GPC6: variants seen among roughly 807,000 people sequenced by gnomAD.
GPC6 encodes glypican 6.
GPC6 carries 14 observed loss-of-function variants against 55.2 expected under a neutral mutation model. The ratio of observed to expected loss-of-function variants is 0.25; its 90% CI spans 0.17 to 0.40. GPC6 has a LOEUF of 0.40. GPC6 is among the 10% of genes least tolerant of loss of function. GPC6 has a pLI of 1.00. For missense variants in GPC6, 641 were observed against 708.5 expected (o/e 0.90, Z 1.08); for synonymous variants, 278 against 259.6 (o/e 1.07, Z -0.68).
At chr13:93,222,168 T>G (rs1479115661), upstream of GPC6, among the ~76,000 whole-genome samples, 1 of 152,208 alleles carries the variant, frequency 6.6e-6, no homozygotes, top group Non-Finnish European at 1.5e-5. Context: ...ATGAACCAAA[T>G]GCTATAATTT....
intron 3 of GPC6, 47 bp from the exon 4 acceptor site, chr13:94,027,682 T>C: frequency 6.4e-7 from 1 of 1,572,142 alleles, no homozygotes; most frequent in Non-Finnish European, 8.8e-7. Context: ...TCCTCCTCTT[T>C]ATCCTTCTTA....
intron 1 of GPC6, among the ~76,000 whole-genome samples, chr13:93,239,555 T>C (rs559473490): frequency 2.6e-5 from 4 of 152,094 alleles, no homozygotes; most frequent in African/African-American, 9.6e-5. Flanking sequence ...TAGCTAGTGA[T>C]TTATCAATTT....
At chr13:94,353,039 C>G (rs1878629293) in intron 6 of GPC6, among the ~76,000 whole-genome samples, 1 of 151,966 alleles carries the variant, frequency 6.6e-6, no homozygotes, top group African/African-American at 2.4e-5. Context: ...TGCAGTGCAC[C>G]AAGAGATATA....
chr13:94,063,906 C>T (rs1413561768), intron 4 of GPC6, among the ~76,000 whole-genome samples: 4 of 152,160 alleles, frequency 2.6e-5, no homozygotes, highest in Non-Finnish European at 2.9e-5. Context: ...TTTTTTGGAG[C>T]TTTCATGGTT....
At chr13:94,256,647 A>T (rs1891514506) in intron 4 of GPC6, among the ~76,000 whole-genome samples, 1 of 152,118 alleles carries the variant, frequency 6.6e-6, no homozygotes, top group Non-Finnish European at 1.5e-5. Flanking sequence ...GCCGCACTGC[A>T]AAGTCTTGTA....
Position 93,918,908 on chromosome 13 carries a change from T to G in GPC6, c.711+88363T>G, listed in dbSNP as rs1877423809. 2.0e-5 allele frequency among the ~76,000 whole-genome samples: 3 copies of G among 152,218 alleles called. No homozygotes were observed. The South Asian group carries it at 6.2e-4, about 31-fold the overall frequency. On this transcript the variant is annotated intron_variant, in intron 3 of 8. Coordinates refer to ENST00000377047, the MANE Select transcript of GPC6 (RefSeq NM_005708.5). ...TGAATCCTGAAGTATACACACTCAG[T>G]GGTCTGTGATATGGTTTGGATATAT...
chr13:93,618,765 A>C (rs1004973055), intron 2 of GPC6, among the ~76,000 whole-genome samples: 1 of 152,194 alleles, frequency 6.6e-6, no homozygotes, highest in Non-Finnish European at 1.5e-5. Flanking sequence ...GCATATGTTT[A>C]AAAATTAAGG....
chr13:93,983,259 C>G (rs2140406794), intron 3 of GPC6, among the ~76,000 whole-genome samples: 1 of 152,204 alleles, frequency 6.6e-6, no homozygotes, highest in Non-Finnish European at 1.5e-5. Context: ...CAAAAATCAA[C>G]TTTGGGCAAT....
At chr13:94,386,150 C>G (rs1194731399) in intron 7 of GPC6, among the ~76,000 whole-genome samples, 10 of 151,374 alleles carry the variant, frequency 6.6e-5, no homozygotes, top group South Asian at 2.1e-4. Context: ...ATGAGGTCAG[C>G]AGATCGAGAC....
intron 1 of GPC6, among the ~76,000 whole-genome samples, chr13:93,387,807 A>T (rs913823160): frequency 4.6e-5 from 7 of 152,234 alleles, no homozygotes; most frequent in Admixed American, 6.5e-5. Context: ...TCACTTTTTC[A>T]TATTACTGGG....
chr13:94,077,953 C>A (rs957933851), intron 4 of GPC6, among the ~76,000 whole-genome samples: 3 of 151,806 alleles, frequency 2.0e-5, no homozygotes, highest in African/African-American at 7.2e-5. Flanking sequence ...CCAACAGTGG[C>A]AGAATACACA....
chr13:94,171,157 C>CA (rs1223014613), intron 4 of GPC6, among the ~76,000 whole-genome samples: 10 of 152,104 alleles, frequency 6.6e-5, no homozygotes, highest in African/African-American at 2.4e-4. Context: ...GGCCCTTCAC[C>CA]ACCATTGGGA....
At chr13:93,898,380 A>G (rs1876142164) in intron 3 of GPC6, among the ~76,000 whole-genome samples, 1 of 152,146 alleles carries the variant, frequency 6.6e-6, no homozygotes, top group Admixed American at 6.6e-5. Context: ...ATTTTCAGAC[A>G]GGAAAATGCC....
chr13:93,886,549 C>T (rs910504580), intron 3 of GPC6, among the ~76,000 whole-genome samples: 1 of 151,964 alleles, frequency 6.6e-6, no homozygotes, highest in Non-Finnish European at 1.5e-5. Flanking sequence ...TTTATGTAGT[C>T]TCTGTCCTTT....
chr13:93,820,458 A>G (rs1222165050), intron 2 of GPC6, among the ~76,000 whole-genome samples: 1 of 152,064 alleles, frequency 6.6e-6, no homozygotes, highest in Non-Finnish European at 1.5e-5. Flanking sequence ...GTGTTACAGT[A>G]TTTTTAACAG....
chr13:94,141,702 A>G (rs1227966111), intron 4 of GPC6, among the ~76,000 whole-genome samples: 1 of 152,230 alleles, frequency 6.6e-6, no homozygotes, highest in Non-Finnish European at 1.5e-5. Context: ...AAGTGACAAT[A>G]ACTTATCCTC....
chr13:93,952,418 A>G (rs1240516668), intron 3 of GPC6, among the ~76,000 whole-genome samples: 2 of 152,138 alleles, frequency 1.3e-5, no homozygotes, highest in African/African-American at 4.8e-5. Flanking sequence ...GAATTGTGAA[A>G]AATGTATATA....
chr13:93,740,519 A>G lies in GPC6; in HGVS notation c.320-89635A>G, dbSNP rs1270618818. On this transcript the variant is annotated intron_variant, in intron 2 of 8. Coordinates refer to ENST00000377047, the MANE Select transcript of GPC6 (RefSeq NM_005708.5). ...CTTTTTGCTGGGAGGAATTCAAAACATGATCAGAATGATAAGTGGGGCTGA... is the reference window on the plus strand; with the variant it reads ...CTTTTTGCTGGGAGGAATTCAAAACGTGATCAGAATGATAAGTGGGGCTGA... Among the ~76,000 whole-genome samples, 5 of 152,240 alleles carry G rather than the reference A, an allele frequency of 3.3e-5. No individual in the cohort carries two copies. The East Asian group carries it at 9.6e-4, about 29-fold the overall frequency.
At chr13:93,854,909 G>A (rs1888545427) in intron 3 of GPC6, among the ~76,000 whole-genome samples, 1 of 151,496 alleles carries the variant, frequency 6.6e-6, no homozygotes, top group South Asian at 2.1e-4. Context: ...AAATTGGAAG[G>A]TACAGAGATT....
Sources: allele counts gnomAD v4.1 joint callset (sites outside exome capture counted in the v4.1 genomes callset), GRCh38; gene constraint gnomAD v4.1.1; transcripts MANE v1.5; gene names NCBI Gene and HGNC (gene_info 2026-07-23, HGNC 2026-07-21).